PTPRM: variants seen among roughly 807,000 people sequenced by gnomAD.
PTPRM encodes the protein receptor-type tyrosine-protein phosphatase mu.
A neutral mutation model predicts 186.7 loss-of-function variants in PTPRM; 47 were observed. That is an observed-to-expected ratio of 0.25 (90% CI 0.20 to 0.32). The LOEUF is 0.32. PTPRM is among the 10% of genes least tolerant of loss of function. The pLI is 1.00. For synonymous variants in PTPRM, 668 were observed against 674.9 expected (o/e 0.99, Z 0.16); for missense variants, 1,494 against 1,865.0 (o/e 0.80, Z 3.66).
At chr18:8,057,587 A>G (rs867713194) in intron 7 of PTPRM, among the ~76,000 whole-genome samples, 1,942 of 121,112 alleles carry the variant, frequency 0.016, 57 homozygotes, top group African/African-American at 0.061. Context: ...ATATCTCCCA[A>G]TGCTATCCCT....
chr18:8,375,308 G>A (rs529573184), intron 24 of PTPRM, among the ~76,000 whole-genome samples: 2 of 152,290 alleles, frequency 1.3e-5, no homozygotes, highest in African/African-American at 4.8e-5. Context: ...TTACATGCCT[G>A]TTTGCCACAA....
At chr18:8,013,535 T>C (rs1035218176) in intron 7 of PTPRM, among the ~76,000 whole-genome samples, 9 of 152,204 alleles carry the variant, frequency 5.9e-5, no homozygotes, top group Non-Finnish European at 8.8e-5. Flanking sequence ...ATCCTGGTTG[T>C]CTTCAGGTTG....
chr18:7,902,191 CAG>C (rs2049728932), intron 3 of PTPRM, among the ~76,000 whole-genome samples: 1 of 152,218 alleles, frequency 6.6e-6, no homozygotes, highest in South Asian at 2.1e-4. Flanking sequence ...TAATTAAACT[CAG>C]AGGGGGCAGG....
At position 8,252,647 on chromosome 18, in the gene PTPRM, T is replaced by C. The variant is rs545323008; in HGVS notation, c.2566+148T>C. 51 of 753,418 alleles carry C rather than the reference T, an allele frequency of 6.8e-5. No individual in the cohort carries two copies. The South Asian group carries it at 7.7e-4, about 11-fold the overall frequency. The allele number at this position is 753,418 out of a possible 1,614,324, so 46.7% of individuals were successfully genotyped here. Reference sequence around the variant, plus strand: ...GAACATTCCATGTGTGATGTGTTGGTCCACAACATTTTGTCAAGCTTTCTG... The same window carrying C: ...GAACATTCCATGTGTGATGTGTTGGCCCACAACATTTTGTCAAGCTTTCTG... On this transcript the variant is annotated intron_variant, in intron 18 of 32. Transcript: ENST00000580170.
intron 4 of PTPRM, among the ~76,000 whole-genome samples, chr18:7,918,078 T>TTGTGTGTGTGTGTGTGTG (rs35838540): frequency 3.4e-5 from 5 of 148,102 alleles, no homozygotes; most frequent in East Asian, 4.0e-4. Context: ...TCTTGTGTGT[T>TTGTGTGTGTGTGTGTGTG]TGTGTGTGTG....
intron 14 of PTPRM, among the ~76,000 whole-genome samples, chr18:8,150,162 C>G (rs895224761): frequency 6.6e-6 from 1 of 152,104 alleles, no homozygotes; most frequent in Non-Finnish European, 1.5e-5. Context: ...GTGGTGTTCT[C>G]TGTATTTCCT....
At position 8,296,474 on chromosome 18, in the gene PTPRM, A is replaced by G. The variant is rs758940938; in HGVS notation, c.2842+19A>G. 24 of 1,559,050 alleles carry G rather than the reference A, an allele frequency of 1.5e-5. No homozygotes were observed. Among genetic ancestry groups the G allele is most frequent in the Non-Finnish European group, 2.0e-5 (23 of 1,130,286 alleles). ...ATTGCATGTAAGTGTCAACAGTGTCATTGTGCTGTTGTAGAACTTCCTTTT... is the reference window on the plus strand; with the variant it reads ...ATTGCATGTAAGTGTCAACAGTGTCGTTGTGCTGTTGTAGAACTTCCTTTT... On this transcript the variant is annotated intron_variant, in intron 20 of 32. Coordinates refer to ENST00000580170, the MANE Select transcript of PTPRM (RefSeq NM_001105244.2).
intron 7 of PTPRM, among the ~76,000 whole-genome samples, chr18:8,038,839 A>G (rs2086513362): frequency 1.3e-5 from 2 of 152,180 alleles, no homozygotes; most frequent in African/African-American, 4.8e-5. Flanking sequence ...TAATTCTGGA[A>G]ACTGCAACAT....
chr18:7,688,901 G>C (rs2039671063), intron 1 of PTPRM, among the ~76,000 whole-genome samples: 1 of 152,158 alleles, frequency 6.6e-6, no homozygotes, highest in South Asian at 2.1e-4. Flanking sequence ...TGCCTCTCTA[G>C]TGCTGGAAGA....
chr18:8,377,471 T>G (rs188149990), intron 26 of PTPRM: 1 of 152,356 alleles, frequency 6.6e-6, no homozygotes, highest in African/African-American at 2.4e-5. Flanking sequence ...AATCAAATGT[T>G]GCCACTCGCA....
intron 20 of PTPRM, among the ~76,000 whole-genome samples, chr18:8,308,549 A>G (rs2095243784): frequency 6.6e-6 from 1 of 152,228 alleles, no homozygotes; most frequent in Non-Finnish European, 1.5e-5. Flanking sequence ...TTCAACATGC[A>G]GTCAGTATAA....
chr18:7,886,030 CA>C (rs543523466), intron 2 of PTPRM, among the ~76,000 whole-genome samples: 1 of 152,124 alleles, frequency 6.6e-6, no homozygotes, highest in South Asian at 2.1e-4. Flanking sequence ...GTGATGGGAA[CA>C]ATGAGAGATA....
intron 2 of PTPRM, among the ~76,000 whole-genome samples, chr18:7,887,760 T>G (rs754845590): frequency 6.6e-6 from 1 of 152,222 alleles, no homozygotes; most frequent in Non-Finnish European, 1.5e-5. Flanking sequence ...ACACGCATTT[T>G]AAATATGGAA....
chr18:7,720,248 G>C (rs1446075), intron 1 of PTPRM, among the ~76,000 whole-genome samples: 4,150 of 152,020 alleles, frequency 0.027, 183 homozygotes, highest in African/African-American at 0.095. Flanking sequence ...TAAAATAAAC[G>C]TACAAAAATA....
chr18:8,386,977 A>G (rs2095779130), intron 30 of PTPRM, 95 bp from the exon 31 acceptor site: 2 of 1,277,858 alleles, frequency 1.6e-6, no homozygotes, highest in East Asian at 2.4e-5. Context: ...GCCTTTAATA[A>G]TGGGAAGATC....
At chr18:8,090,833 G>A (rs1286331898) in intron 11 of PTPRM, among the ~76,000 whole-genome samples, 1 of 152,160 alleles carries the variant, frequency 6.6e-6, no homozygotes, top group Non-Finnish European at 1.5e-5. Context: ...GACCTCAGGT[G>A]ATCTGCCCAT....
chr18:7,861,379 GACTA>G (rs201436015), intron 2 of PTPRM, among the ~76,000 whole-genome samples: 2,934 of 152,226 alleles, frequency 0.019, 84 homozygotes, highest in African/African-American at 0.067. Context: ...AACTAAGTGA[GACTA>G]ACAATTACTC....
chr18:8,004,655 T>C (rs2084070544), intron 7 of PTPRM, among the ~76,000 whole-genome samples: 1 of 152,022 alleles, frequency 6.6e-6, no homozygotes, highest in South Asian at 2.1e-4. Context: ...TTTCAACAGC[T>C]ATTAGGCTGG....
intron 7 of PTPRM, among the ~76,000 whole-genome samples, chr18:8,022,656 C>T: frequency 6.6e-6 from 1 of 152,024 alleles, no homozygotes; most frequent in East Asian, 1.9e-4. Context: ...TGGGCAGCTC[C>T]TAACTGCGCT....
Sources: allele counts gnomAD v4.1 joint callset (sites outside exome capture counted in the v4.1 genomes callset), GRCh38; gene constraint gnomAD v4.1.1; transcripts MANE v1.5; gene names NCBI Gene and HGNC (gene_info 2026-07-23, HGNC 2026-07-21).